MARCHF1: variants seen among roughly 807,000 people sequenced by gnomAD.
MARCHF1 encodes E3 ubiquitin-protein ligase MARCHF1.
A neutral mutation model predicts 54.2 loss-of-function variants in MARCHF1; 40 were observed. The observed-to-expected ratio is 0.74, with a 90% confidence interval of 0.57 to 0.96. MARCHF1 has a LOEUF of 0.96. Ranked by LOEUF, MARCHF1 falls within the 40% of genes least tolerant of loss-of-function variation. The pLI, the probability that MARCHF1 is intolerant of heterozygous loss-of-function variation, is 0.00. For synonymous variants in MARCHF1, 236 were observed against 236.3 expected (o/e 1.00, Z 0.01); for missense variants, 586 against 656.5 (o/e 0.89, Z 1.17).
chr4:163,992,196 C>T (rs758882017), intron 2 of MARCHF1, among the ~76,000 whole-genome samples: 1 of 151,032 alleles, frequency 6.6e-6, no homozygotes, highest in Non-Finnish European at 1.5e-5. Flanking sequence ...AATGGATAGA[C>T]TGAAAATTCA....
Position 164,145,298 on chromosome 4 carries a change from G to A in MARCHF1, c.-322-33636C>T, listed in dbSNP as rs1188108426. 5.3e-5 allele frequency among the ~76,000 whole-genome samples: 8 copies of A among 152,052 alleles called. No individual in the cohort carries two copies. The South Asian group carries it at 8.3e-4, about 16-fold the overall frequency. On this transcript the variant is annotated intron_variant, in intron 1 of 9. Transcript: ENST00000514618. ...AACTATTCCAATCAATAGAAAAAGA[G>A]GGAATCCTCCCTAACTCATTTTATG...
chr4:163,984,679 G>A lies in MARCHF1; in HGVS notation c.-39+3822C>T, dbSNP rs555286007. Among the ~76,000 whole-genome samples, 58 of 152,164 alleles carry A rather than the reference G, an allele frequency of 3.8e-4. No individual in the cohort carries two copies. The Middle Eastern group carries it at 0.014, about 36-fold the overall frequency. ...GTAGGAATTCAAGCTACAGCTACAG[G>A]GCTAAGAATGTGATTAATAAAATTC... On this transcript the variant is annotated intron_variant, in intron 3 of 9. Coordinates refer to ENST00000514618, the MANE Select transcript of MARCHF1 (RefSeq NM_001394959.1).
chr4:163,861,068 A>G (rs1749918410), intron 3 of MARCHF1, among the ~76,000 whole-genome samples: 1 of 152,200 alleles, frequency 6.6e-6, no homozygotes, highest in East Asian at 1.9e-4. Flanking sequence ...TGGAAAAAGG[A>G]GACAACATCA....
chr4:164,043,578 G>T (rs906373971), intron 2 of MARCHF1, among the ~76,000 whole-genome samples: 1 of 152,046 alleles, frequency 6.6e-6, no homozygotes, highest in Non-Finnish European at 1.5e-5. Flanking sequence ...CTGCTGTAAA[G>T]GTCCTTGAAT....
At chr4:163,973,129 C>G (rs1435290095) in intron 3 of MARCHF1, among the ~76,000 whole-genome samples, 1 of 152,114 alleles carries the variant, frequency 6.6e-6, no homozygotes, top group Non-Finnish European at 1.5e-5. Flanking sequence ...ACAAATTTAC[C>G]AAGTATAAAG....
At chr4:164,325,371 G>A (rs571678554) in intron 1 of MARCHF1, among the ~76,000 whole-genome samples, 17 of 136,780 alleles carry the variant, frequency 1.2e-4, no homozygotes, top group African/African-American at 3.8e-4. Flanking sequence ...ACAGACATTT[G>A]TGAGAAAACT....
intron 1 of MARCHF1, among the ~76,000 whole-genome samples, chr4:164,323,019 CT>C (rs1434839656): frequency 1.3e-5 from 2 of 151,910 alleles, no homozygotes; most frequent in Admixed American, 1.3e-4. Flanking sequence ...TAGAATTTCA[CT>C]TTAAAAATCA....
chr4:164,051,561 A>T (rs13123466), intron 2 of MARCHF1, among the ~76,000 whole-genome samples: 37,801 of 152,136 alleles, frequency 0.25, 5,562 homozygotes, highest in African/African-American at 0.4. Context: ...GTTAACAACC[A>T]ACTAGACATT....
chr4:163,960,784 C>T (rs1752330589), intron 3 of MARCHF1, among the ~76,000 whole-genome samples: 1 of 150,262 alleles, frequency 6.7e-6, no homozygotes, highest in African/African-American at 2.5e-5. Context: ...AACAAACCTT[C>T]GCATGTACCC....
chr4:164,351,102 G>A (rs185309695), intron 1 of MARCHF1, among the ~76,000 whole-genome samples: 112 of 152,342 alleles, frequency 7.4e-4, no homozygotes, highest in East Asian at 2.1e-3. Flanking sequence ...CACCTGGCTC[G>A]GAGGGTCCTA....
intron 4 of MARCHF1, among the ~76,000 whole-genome samples, chr4:163,769,468 G>A (rs1250575513): frequency 6.6e-6 from 1 of 152,110 alleles, no homozygotes; most frequent in Non-Finnish European, 1.5e-5. Context: ...TATAAGGTAG[G>A]TTCACACAGT....
chr4:163,695,695 A>G (rs993288460), intron 5 of MARCHF1, among the ~76,000 whole-genome samples: 6 of 152,194 alleles, frequency 3.9e-5, no homozygotes, highest in African/African-American at 1.4e-4. Context: ...GATTTTATTT[A>G]AAAGAAAATT....
chr4:164,290,454 G>T (rs566969002), intron 1 of MARCHF1, among the ~76,000 whole-genome samples: 1 of 151,922 alleles, frequency 6.6e-6, no homozygotes, highest in Admixed American at 6.6e-5. Flanking sequence ...CATTCCTAAA[G>T]TTCAAAAACC....
rs1483337848 is a variant in MARCHF1, at chr4:163,525,952, T to C, written c.*2796A>G. ...GTAGTTATTTCAGATGTTTGAACCA[T>C]AAACAAACAACCATTGCTGAAAAGC... On this transcript the variant is annotated 3_prime_UTR_variant, in exon 10 of 10. Transcript: ENST00000514618. 1 of 152,126 alleles carries C rather than the reference T, an allele frequency of 6.6e-6. No individual in the cohort carries two copies. The highest frequency in any genetic ancestry group is 1.5e-5 in the Non-Finnish European group (1 of 67,978). 9.4% of individuals were successfully genotyped at this position (152,126 alleles called of 1,614,324 possible).
rs1179319755 is a variant in MARCHF1, at chr4:163,527,463, A to T, written c.*1285T>A. The T allele has an allele frequency of 6.6e-6, 1 of 152,058 alleles. No homozygotes were observed. The highest frequency in any genetic ancestry group is 1.9e-4 in the East Asian group (1 of 5,196). 9.4% of individuals were successfully genotyped at this position (152,058 alleles called of 1,614,324 possible). On this transcript the variant is annotated 3_prime_UTR_variant, in exon 10 of 10. Coordinates refer to ENST00000514618, the MANE Select transcript of MARCHF1 (RefSeq NM_001394959.1). ...CAAAAATAGGTAATTTTATTCCCCT[A>T]TTGTAAGTACTTCATAGTAACAATT...
At chr4:164,023,945 T>C (rs997370529) in intron 2 of MARCHF1, among the ~76,000 whole-genome samples, 15 of 152,208 alleles carry the variant, frequency 9.9e-5, no homozygotes, top group Middle Eastern at 3.4e-3. Context: ...AAAATACAAT[T>C]TGAAGTATTA....
chr4:163,619,760 T>A (rs1453972009), intron 5 of MARCHF1, among the ~76,000 whole-genome samples: 1 of 151,784 alleles, frequency 6.6e-6, no homozygotes, highest in African/African-American at 2.4e-5. Context: ...AATGCAAGAT[T>A]TAAATACAGC....
chr4:163,672,494 A>T (rs1194083211), intron 5 of MARCHF1, among the ~76,000 whole-genome samples: 1 of 152,196 alleles, frequency 6.6e-6, no homozygotes, highest in Non-Finnish European at 1.5e-5. Flanking sequence ...TTGTTTTATA[A>T]GACTCTTTTT....
At chr4:163,720,220 G>A (rs960173080) in intron 4 of MARCHF1, among the ~76,000 whole-genome samples, 20 of 152,300 alleles carry the variant, frequency 1.3e-4, no homozygotes, top group Middle Eastern at 6.8e-3. Flanking sequence ...CGTAAGGAAG[G>A]GATCCAGTTT....
Sources: allele counts gnomAD v4.1 joint callset (sites outside exome capture counted in the v4.1 genomes callset), GRCh38; gene constraint gnomAD v4.1.1; transcripts MANE v1.5; gene names NCBI Gene and HGNC (gene_info 2026-07-23, HGNC 2026-07-21).